MOGAT1: variants seen among roughly 807,000 people sequenced by gnomAD.
The protein encoded by MOGAT1 is monoacylglycerol O-acyltransferase 1, also known as 2-acylglycerol O-acyltransferase 1.
A neutral mutation model predicts 31.4 loss-of-function variants in MOGAT1; 32 were observed. The observed-to-expected ratio is 1.02, with a 90% CI of 0.77 to 1.37. MOGAT1 has a LOEUF of 1.37. Ranked by LOEUF, MOGAT1 falls within the 40% of genes most tolerant of loss-of-function variation. The pLI, the probability that MOGAT1 is intolerant of heterozygous loss-of-function variation, is 0.00. For missense variants in MOGAT1, 426 were observed against 402.0 expected (o/e 1.06, Z -0.51); for synonymous variants, 145 against 144.5 (o/e 1.00, Z -0.03).
intron 5 of MOGAT1, among the ~76,000 whole-genome samples, chr2:222,708,834 T>C (rs188345600): frequency 6.6e-6 from 1 of 152,328 alleles, no homozygotes; most frequent in Non-Finnish European, 1.5e-5. Context: ...TGTACACATA[T>C]TTATATTATT....
intron 5 of MOGAT1, among the ~76,000 whole-genome samples, chr2:222,708,023 A>G (rs540245097): frequency 6.6e-5 from 10 of 152,214 alleles, no homozygotes; most frequent in Non-Finnish European, 1.5e-4. Context: ...TAATGAGGTC[A>G]GAGGCAGCAG....
At chr2:222,691,586 A>C (rs1334283948) in intron 3 of MOGAT1, among the ~76,000 whole-genome samples, 1 of 152,198 alleles carries the variant, frequency 6.6e-6, no homozygotes, top group Admixed American at 6.5e-5. Context: ...GAAATACTCA[A>C]ACTTTCAGCC....
chr2:222,703,664 T>G (rs1240368802), intron 5 of MOGAT1, among the ~76,000 whole-genome samples: 1 of 152,188 alleles, frequency 6.6e-6, no homozygotes, highest in Non-Finnish European at 1.5e-5. Context: ...CAGCTTCATC[T>G]GACACCCAGG....
intron 3 of MOGAT1, among the ~76,000 whole-genome samples, chr2:222,691,791 G>C (rs1692766803): frequency 6.6e-6 from 1 of 152,214 alleles, no homozygotes; most frequent in African/African-American, 2.4e-5. Flanking sequence ...TAGGGCTTCA[G>C]AGGGCCTTTG....
At chr2:222,678,242 A>G (rs570481543) in intron 1 of MOGAT1, 1 of 152,842 alleles carries the variant, frequency 6.5e-6, no homozygotes, top group South Asian at 2.1e-4. Context: ...GACCACCAGG[A>G]GCCAAGAGAA....
At chr2:222,681,277 C>A (rs115709233) in intron 1 of MOGAT1, among the ~76,000 whole-genome samples, 458 of 152,258 alleles carry the variant, frequency 3.0e-3, no homozygotes, top group African/African-American at 0.01. Flanking sequence ...ACCACAAGTC[C>A]AGGTTGGCAC....
rs1692758062 is a variant in MOGAT1, at chr2:222,691,339, C to G, written c.478+1870C>G. Among the ~76,000 whole-genome samples the G allele has an allele frequency of 3.9e-5, 6 of 152,156 alleles. No homozygotes were observed. In the South Asian group the frequency reaches 1.2e-3, roughly 32 times the overall value. On this transcript the variant is annotated intron_variant, in intron 3 of 5. Transcript: ENST00000446656. Reference sequence around the variant, plus strand: ...TCTCCTGCCTCAGCCTCCCAAGCAGCTGGGATTACAGGCTTGCACCACCAT... The same window carrying G: ...TCTCCTGCCTCAGCCTCCCAAGCAGGTGGGATTACAGGCTTGCACCACCAT...
In MOGAT1 at chr2:222,689,324, T is replaced by TG. The variant is rs1478915103; in HGVS notation, c.335dup (p.Ile113AsnfsTer16). On this transcript the variant is annotated frameshift_variant, in exon 3 of 6. Coordinates refer to ENST00000446656, the MANE Select transcript of MOGAT1 (RefSeq NM_058165.3). LOFTEE classifies it high-confidence loss of function. ...ACTATATATTTGGGTTTCACCCCCA[T>TG]GGAATAATGGCAGTTGGAGCCTTTG... The TG allele has an allele frequency of 6.2e-7, 1 of 1,614,032 alleles. No homozygotes were observed. Among genetic ancestry groups the TG allele is most frequent in the Non-Finnish European group, 8.5e-7 (1 of 1,179,872 alleles).
intron 3 of MOGAT1, among the ~76,000 whole-genome samples, chr2:222,693,010 C>A (rs552077719): frequency 1.3e-5 from 2 of 152,188 alleles, no homozygotes; most frequent in Non-Finnish European, 2.9e-5. Flanking sequence ...CTTAAGAGGG[C>A]AGTTGGTCAT....
At chr2:222,703,278 T>C (rs1343362412) in intron 5 of MOGAT1, among the ~76,000 whole-genome samples, 2 of 152,244 alleles carry the variant, frequency 1.3e-5, no homozygotes, top group Non-Finnish European at 2.9e-5. Context: ...TCTCTGGTGA[T>C]AACGTTCCTT....
rs770094164 is a variant in MOGAT1 at position 222,709,807 on chromosome 2, T to G, written c.925T>G (p.Tyr309Asp). The G allele has an allele frequency of 6.2e-7, 1 of 1,613,402 alleles. No homozygotes were observed. Among genetic ancestry groups the G allele is most frequent in the Non-Finnish European group, 8.5e-7 (1 of 1,179,648 alleles). ...GCAGATTGAGGAGTTACATCAGACC[T>G]ATATGGAGGAACTTAGGAAATTGTT... ...QEQIEELHQTYMEELRKLFEE... is the reference protein window; with the variant it reads ...QEQIEELHQTDMEELRKLFEE... Residue 309 changes from tyrosine to aspartate, a missense_variant, in exon 6 of 6, where the codon TAT (tyrosine) becomes GAT (aspartate). Physicochemically the swap from Tyr to Asp is radical, Grantham distance 160. Coordinates refer to ENST00000446656, the MANE Select transcript of MOGAT1 (RefSeq NM_058165.3).
rs1057046518 is a variant in MOGAT1, at chr2:222,709,819, C to T, written c.937C>T (p.Leu313Phe). Reference sequence around the variant, plus strand: ...GTTACATCAGACCTATATGGAGGAACTTAGGAAATTGTTTGAGGAACACAA... The same window carrying T: ...GTTACATCAGACCTATATGGAGGAATTTAGGAAATTGTTTGAGGAACACAA... The part of the protein sequence containing the change: ...EELHQTYMEE[L>F]RKLFEEHKGK... Residue 313 changes from leucine (L) to phenylalanine (F), a missense_variant, in exon 6 of 6, where the codon CTT (leucine) becomes TTT (phenylalanine). Transcript: ENST00000446656. The T allele has an allele frequency of 3.1e-6, 5 of 1,613,396 alleles. No homozygotes were observed. Among genetic ancestry groups the T allele is most frequent in the East Asian group, 2.2e-5 (1 of 44,874 alleles).
In MOGAT1 at chr2:222,671,777, G is replaced by A; in HGVS notation, c.-9G>A. The A allele has an allele frequency of 1.3e-6, 2 of 1,549,524 alleles. No individual in the cohort carries two copies. Among genetic ancestry groups the A allele is most frequent in the Non-Finnish European group, 1.7e-6 (2 of 1,146,688 alleles). On this transcript the variant is annotated 5_prime_UTR_variant, in exon 1 of 6. Transcript: ENST00000446656. ...GCAGTGGCTGGCGCCGTCCTCGCCC[G>A]GCCAGGCCATGAAGGTAGAGTTTGC...
intron 3 of MOGAT1, among the ~76,000 whole-genome samples, chr2:222,689,775 C>T (rs1692730682): frequency 6.6e-6 from 1 of 152,180 alleles, no homozygotes; most frequent in African/African-American, 2.4e-5. Flanking sequence ...TTTGTGTATT[C>T]AGATGTAGAA....
chr2:222,692,194 G>T (rs1191110353), intron 3 of MOGAT1, among the ~76,000 whole-genome samples: 2 of 152,198 alleles, frequency 1.3e-5, no homozygotes, highest in African/African-American at 2.4e-5. Flanking sequence ...CCTGTTGAGT[G>T]ATGAAGGGAG....
intron 5 of MOGAT1, among the ~76,000 whole-genome samples, chr2:222,709,174 C>A (rs1342835677): frequency 2.0e-5 from 3 of 152,022 alleles, no homozygotes; most frequent in Admixed American, 1.3e-4. Context: ...AAAAATTAGC[C>A]GGGCATGGTG....
At chr2:222,705,491 C>T (rs1304932885) in intron 5 of MOGAT1, among the ~76,000 whole-genome samples, 1 of 152,208 alleles carries the variant, frequency 6.6e-6, no homozygotes, top group African/African-American at 2.4e-5. Flanking sequence ...CTCCATCTGT[C>T]CTCCCTTTTG....
chr2:222,675,976 C>G (rs1273492189), intron 1 of MOGAT1, among the ~76,000 whole-genome samples: 1 of 152,132 alleles, frequency 6.6e-6, no homozygotes, highest in Non-Finnish European at 1.5e-5. Flanking sequence ...TTTAAGATCT[C>G]TAAATCAAAA....
chr2:222,694,258 A>G lies in MOGAT1; in HGVS notation c.479-104A>G. ...AAAGTGCTCCAAAGGTAAGCAGTGT[A>G]GGAAATTTTGTTAAATGTTTACTAT... On this transcript the variant is annotated intron_variant, in intron 3 of 5. Transcript: ENST00000446656. The G allele has an allele frequency of 2.8e-6, 3 of 1,064,980 alleles. No individual in the cohort carries two copies. In the Middle Eastern group the frequency reaches 8.7e-4, roughly 307 times the overall value. 66.0% of individuals were successfully genotyped at this position (1,064,980 alleles called of 1,614,324 possible). A position where few individuals can be genotyped will look rare whatever the true frequency, so the allele number is the denominator to read the frequency against.
Sources: gnomAD v4.1 joint callset for allele counts (sites outside exome capture counted in the v4.1 genomes callset) on GRCh38, gnomAD v4.1.1 for gene constraint, MANE v1.5 for transcripts, NCBI Gene and HGNC (gene_info 2026-07-23, HGNC 2026-07-21) for gene names.